The following EXOC6B variants were observed in gnomAD, a reference collection of about 807,000 sequenced individuals.
EXOC6B encodes the protein exocyst complex component 6B, also known as SEC15 homolog B.
In EXOC6B, 54 loss-of-function variants were observed where a neutral mutation model predicts 113.5. That is an observed-to-expected ratio of 0.48 (90% CI 0.38 to 0.60). The LOEUF is 0.60. Among genes scored for constraint, EXOC6B ranks in the 20% least tolerant of loss-of-function variants. The pLI, the probability that EXOC6B is intolerant of heterozygous loss-of-function variation, is 0.00. For missense variants in EXOC6B, 797 were observed against 977.5 expected, an observed-to-expected ratio of 0.82 and a Z score of 2.46; for synonymous variants, 357 against 339.0, an observed-to-expected ratio of 1.05 and a Z score of -0.58.
chr2:72,183,023 A>AAT, intron 21 of EXOC6B: 1 of 518,398 alleles, frequency 1.9e-6, no homozygotes, highest in Non-Finnish European at 3.0e-6. Flanking sequence ...CTTGGCTCCA[A>AAT]ATACATACAC....
chr2:72,202,442 TCCCAACC>T (rs950662213), intron 20 of EXOC6B, among the ~76,000 whole-genome samples: 2 of 152,136 alleles, frequency 1.3e-5, no homozygotes, highest in African/African-American at 4.8e-5. Context: ...AATTCCCTTC[TCCCAACC>T]CCAGAACCAT....
chr2:72,642,898 G>T (rs1228752080), intron 6 of EXOC6B, among the ~76,000 whole-genome samples: 1 of 147,914 alleles, frequency 6.8e-6, no homozygotes, highest in Non-Finnish European at 1.5e-5. Flanking sequence ...AATCTACAAT[G>T]AACTCAAACA....
intron 19 of EXOC6B, among the ~76,000 whole-genome samples, chr2:72,353,376 T>TGTATG (rs553143478): frequency 4.6e-5 from 7 of 151,892 alleles, no homozygotes; most frequent in Non-Finnish European, 1.0e-4. Context: ...TGTATTGTAT[T>TGTATG]GTATCGTATT....
At chr2:72,706,274 ACCCCGCCAAAAAAAACCAG>A (rs1678869125) in intron 6 of EXOC6B, among the ~76,000 whole-genome samples, 2 of 152,084 alleles carry the variant, frequency 1.3e-5, no homozygotes, top group African/African-American at 4.8e-5. Flanking sequence ...AGAGTCATTC[ACCCCGCCAAAAAAAACCAG>A]CTGAAAGGTG....
rs546108115 is a variant in EXOC6B at position 72,527,353 on chromosome 2, A to T, written c.916-12227T>A. On this transcript the variant is annotated intron_variant, in intron 8 of 21. Coordinates refer to ENST00000272427, the MANE Select transcript of EXOC6B (RefSeq NM_015189.3). ...ACTCAGCATAAATCTCTAGAGATTC[A>T]TCCAGTTTGTTACATATATCAATAG... is the stretch of plus-strand genomic sequence containing the variant. 3.3e-5 allele frequency among the ~76,000 whole-genome samples: 5 copies of T among 152,044 alleles called. No individual in the cohort carries two copies. In the South Asian group the frequency reaches 1.0e-3, roughly 32 times the overall value.
At chr2:72,185,740 CTTTT>C (rs60868469) in intron 20 of EXOC6B, among the ~76,000 whole-genome samples, 1 of 143,818 alleles carries the variant, frequency 7.0e-6, no homozygotes, top group Non-Finnish European at 1.5e-5. Flanking sequence ...GTATTTCTTT[CTTTT>C]TTTTTTTTTT....
intron 7 of EXOC6B, among the ~76,000 whole-genome samples, chr2:72,561,956 A>C (rs924760106): frequency 6.6e-6 from 1 of 152,170 alleles, no homozygotes; most frequent in Non-Finnish European, 1.5e-5. Context: ...AAATCTAGAC[A>C]AAAAGAGAAG....
chr2:72,751,707 TA>T (rs1682054276), intron 1 of EXOC6B, among the ~76,000 whole-genome samples: 1 of 151,984 alleles, frequency 6.6e-6, no homozygotes, highest in African/African-American at 2.4e-5. Context: ...ATATAAACAG[TA>T]CAAAATGCAG....
At chr2:72,369,592 T>C (rs1012791611) in intron 19 of EXOC6B, among the ~76,000 whole-genome samples, 1 of 152,152 alleles carries the variant, frequency 6.6e-6, no homozygotes, top group African/African-American at 2.4e-5. Flanking sequence ...GGAGGCATCA[T>C]GCTACCTGAC....
At chr2:72,518,731 G>C (rs1701342757) in intron 8 of EXOC6B, among the ~76,000 whole-genome samples, 2 of 152,134 alleles carry the variant, frequency 1.3e-5, no homozygotes, top group South Asian at 4.1e-4. Flanking sequence ...GTAAAGTACA[G>C]GGCTGACAAG....
chr2:72,185,838 A>G (rs1363198635), intron 20 of EXOC6B, among the ~76,000 whole-genome samples: 2 of 150,876 alleles, frequency 1.3e-5, no homozygotes, highest in African/African-American at 2.5e-5. Context: ...GGTGTGCTGC[A>G]CCCATTAACT....
chr2:72,318,350 C>T (rs1401064827), intron 20 of EXOC6B, among the ~76,000 whole-genome samples: 1 of 152,120 alleles, frequency 6.6e-6, no homozygotes, highest in African/African-American at 2.4e-5. Context: ...AGTGCTTTCA[C>T]GCTACTCATT....
At chr2:72,424,536 G>C (rs1695093509) in intron 18 of EXOC6B, among the ~76,000 whole-genome samples, 1 of 151,830 alleles carries the variant, frequency 6.6e-6, no homozygotes, top group African/African-American at 2.4e-5. Context: ...ACATTAAGTT[G>C]ATATTTAAAC....
At chr2:72,771,656 A>T (rs1683409325) in intron 1 of EXOC6B, among the ~76,000 whole-genome samples, 1 of 152,176 alleles carries the variant, frequency 6.6e-6, no homozygotes, top group Admixed American at 6.5e-5. Context: ...AAATTTATGG[A>T]CAAAAGACTA....
chr2:72,302,155 AT>A (rs1191618479), intron 20 of EXOC6B, among the ~76,000 whole-genome samples: 3 of 152,158 alleles, frequency 2.0e-5, no homozygotes, highest in East Asian at 3.8e-4. Flanking sequence ...CTTTTCAGTG[AT>A]TATTTTAATC....
intron 8 of EXOC6B, among the ~76,000 whole-genome samples, chr2:72,551,527 C>T (rs1703222576): frequency 7.5e-6 from 1 of 132,858 alleles, no homozygotes; most frequent in Non-Finnish European, 1.6e-5. Context: ...TTTTTTGAGA[C>T]GGAGTCTCGC....
intron 18 of EXOC6B, among the ~76,000 whole-genome samples, chr2:72,413,387 T>C (rs1345790155): frequency 1.3e-5 from 2 of 151,808 alleles, no homozygotes; most frequent in African/African-American, 2.4e-5. Flanking sequence ...TTTGCCTTTT[T>C]TTTTTAAGAG....
Position 72,423,154 on chromosome 2 carries a change from C to G in EXOC6B, c.1980+42006G>C, listed in dbSNP as rs546371708. Among the ~76,000 whole-genome samples the G allele has an allele frequency of 1.4e-3, 212 of 151,018 alleles. 2 individuals carry two copies. Among genetic ancestry groups the G allele is most frequent in the Non-Finnish European group, 2.6e-3 (173 of 67,760 alleles). ...GAGACCACGAGCCCACCGGGAGGAACGAACAACTCCAGACGCACTGCCTTA... is the reference window on the plus strand; with the variant it reads ...GAGACCACGAGCCCACCGGGAGGAAGGAACAACTCCAGACGCACTGCCTTA... On this transcript the variant is annotated intron_variant, in intron 18 of 21. Transcript: ENST00000272427.
At position 72,272,734 on chromosome 2, in the gene EXOC6B, C is replaced by T. The variant is rs978058245; in HGVS notation, c.2196+62213G>A. 6.6e-5 allele frequency among the ~76,000 whole-genome samples: 10 copies of T among 152,024 alleles called. No homozygotes were observed. The East Asian group carries it at 7.7e-4, about 12-fold the overall frequency. On this transcript the variant is annotated intron_variant, in intron 20 of 21. Coordinates refer to ENST00000272427, the MANE Select transcript of EXOC6B (RefSeq NM_015189.3). ...GATTTTGAGACTGAGAGTTGGCTGACGGGGGAGCCCTATGGGCTAGCCGTG... is the reference window on the plus strand; with the variant it reads ...GATTTTGAGACTGAGAGTTGGCTGATGGGGGAGCCCTATGGGCTAGCCGTG...
Sources: allele counts gnomAD v4.1 joint callset (sites outside exome capture counted in the v4.1 genomes callset), GRCh38; gene constraint gnomAD v4.1.1; transcripts MANE v1.5; gene names NCBI Gene and HGNC (gene_info 2026-07-23, HGNC 2026-07-21).